The following UGP2 variants were observed in gnomAD, a reference collection of about 807,000 sequenced individuals.
UGP2 encodes the protein UDP-glucose pyrophosphorylase 2.
UGP2 carries 40 observed loss-of-function variants against 49.0 expected under a neutral mutation model. The observed-to-expected ratio is 0.82, with a 90% CI of 0.63 to 1.06. The LOEUF (loss-of-function observed/expected upper bound fraction) is 1.06. Among genes scored for constraint, UGP2 ranks in the 50% least tolerant of loss-of-function variants. The pLI, the probability that UGP2 is intolerant of heterozygous loss-of-function variation, is 0.00. For missense variants in UGP2, 460 were observed against 603.5 expected, an observed-to-expected ratio of 0.76 and a Z score of 2.49; for synonymous variants, 225 against 213.0, an observed-to-expected ratio of 1.06 and a Z score of -0.49.
At chr2:63,886,146 T>C (rs1303334678) in intron 6 of UGP2, among the ~76,000 whole-genome samples, 195 bp from the exon 7 acceptor site, 2 of 152,218 alleles carry the variant, frequency 1.3e-5, no homozygotes, top group South Asian at 2.1e-4. Flanking sequence ...GTGAAATCTT[T>C]CAGTAAAGTT....
At chr2:63,865,686 G>A (rs1022203193) in intron 3 of UGP2, among the ~76,000 whole-genome samples, 5 of 152,028 alleles carry the variant, frequency 3.3e-5, no homozygotes, top group Middle Eastern at 3.4e-3. Flanking sequence ...CTACAGGCAC[G>A]TGTCAGCATG....
intron 7 of UGP2, 45 bp downstream of exon 7, chr2:63,886,583 C>CAT: frequency 6.2e-7 from 1 of 1,604,352 alleles, no homozygotes; most frequent in East Asian, 2.2e-5. Flanking sequence ...TTCCTAAGGT[C>CAT]ATAGTAGGCT....
chr2:63,868,790 A>G lies in UGP2; in HGVS notation c.255+10854A>G, dbSNP rs553916966. Among the ~76,000 whole-genome samples, 5 of 152,192 alleles carry G rather than the reference A, an allele frequency of 3.3e-5. No homozygotes were observed. In the South Asian group the frequency reaches 6.2e-4, roughly 19 times the overall value. On this transcript the variant is annotated intron_variant, in intron 3 of 9. Coordinates refer to ENST00000337130, the MANE Select transcript of UGP2 (RefSeq NM_006759.4). ...GGTCAGGAGTTCGAGACTAGCCAAC[A>G]TGGTGAAACCCCATCTCTACTAAAA...
chr2:63,842,718 C>A, intron 1 of UGP2: 1 of 969,822 alleles, frequency 1.0e-6, no homozygotes, highest in Non-Finnish European at 1.4e-6. Flanking sequence ...CCCGAAGAAG[C>A]TGGAGGTCAT....
chr2:63,852,099 T>G (rs529584828), intron 1 of UGP2, among the ~76,000 whole-genome samples: 13 of 151,636 alleles, frequency 8.6e-5, no homozygotes, highest in Non-Finnish European at 1.8e-4. Context: ...TAGGAAGGCT[T>G]TGGACCAATC....
intron 3 of UGP2, among the ~76,000 whole-genome samples, chr2:63,869,607 T>G (rs946001529): frequency 3.3e-5 from 5 of 152,226 alleles, no homozygotes; most frequent in Non-Finnish European, 5.9e-5. Context: ...GTGACTTTTA[T>G]GATTCTGGCT....
intron 3 of UGP2, among the ~76,000 whole-genome samples, chr2:63,881,594 A>C (rs906158166): frequency 2.6e-5 from 4 of 152,210 alleles, no homozygotes; most frequent in African/African-American, 9.6e-5. Context: ...TTTCCTTCTT[A>C]CTGTAAGATG....
At chr2:63,842,438 G>A in intron 1 of UGP2, 1 of 1,556,190 alleles carries the variant, frequency 6.4e-7, no homozygotes, top group Non-Finnish European at 8.6e-7. Context: ...CTGAAATCAG[G>A]TTAGTAGTAC....
intron 1 of UGP2, 48 bp from the exon 2 acceptor site, chr2:63,856,258 A>G (rs780342514): frequency 9.4e-6 from 15 of 1,588,630 alleles, no homozygotes; most frequent in Non-Finnish European, 1.3e-5. Flanking sequence ...AGCTGTTTGA[A>G]TGGCTTCCTG....
At chr2:63,874,834 C>G (rs762235732) in intron 3 of UGP2, among the ~76,000 whole-genome samples, 7 of 151,440 alleles carry the variant, frequency 4.6e-5, no homozygotes, top group Non-Finnish European at 8.8e-5. Context: ...ACCATGTGAT[C>G]TCTACAAACC....
At chr2:63,886,286 A>C in intron 6 of UGP2, 55 bp from the exon 7 acceptor site, 3 of 1,535,902 alleles carry the variant, frequency 2.0e-6, no homozygotes, top group Non-Finnish European at 2.7e-6. Context: ...TTGTATTTAC[A>C]AAAAAATGCA....
At chr2:63,873,339 T>G (rs751037862) in intron 3 of UGP2, among the ~76,000 whole-genome samples, 1 of 152,200 alleles carries the variant, frequency 6.6e-6, no homozygotes, top group Non-Finnish European at 1.5e-5. Flanking sequence ...AAACTTAGTT[T>G]GGAGAGAGGT....
intron 3 of UGP2, among the ~76,000 whole-genome samples, chr2:63,878,746 T>A (rs1671097314): frequency 6.6e-6 from 1 of 152,168 alleles, no homozygotes; most frequent in Non-Finnish European, 1.5e-5. Context: ...AAAATTTTTT[T>A]GTAGAGGCAA....
In UGP2 at chr2:63,885,633, A is replaced by G; in HGVS notation, c.620A>G (p.Asp207Gly). ...NKESLLPVAK[D>G]VSYSGENTEA... ...GAATCTTTACTTCCTGTAGCAAAGG[A>G]CGTGTCTTACTCAGGGGAAAATACA... The change falls in exon 6 of 10, where the codon GAC becomes GGC. Residue 207 changes from aspartate (D) to glycine (G), a missense_variant. Transcript: ENST00000337130. The G allele has an allele frequency of 6.3e-7, 1 of 1,597,052 alleles. No individual in the cohort carries two copies. Among genetic ancestry groups the G allele is most frequent in the African/African-American group, 1.4e-5 (1 of 73,628 alleles).
intron 1 of UGP2, among the ~76,000 whole-genome samples, chr2:63,854,594 ATAGCTACGCTTCTTG>A (rs529872324): frequency 1.6e-3 from 249 of 152,312 alleles, no homozygotes; most frequent in African/African-American, 5.8e-3. Context: ...GATGCTTAAG[ATAGCTACGCTTCTTG>A]TCTAAGCACT....
At chr2:63,883,129 C>T (rs1175676445) in intron 4 of UGP2, 1 of 152,426 alleles carries the variant, frequency 6.6e-6, no homozygotes, top group Non-Finnish European at 1.5e-5. Context: ...TCTCCTTATC[C>T]TAATGCCTAG....
At chr2:63,871,532 CGCCTCG>C (rs758359641) in intron 3 of UGP2, among the ~76,000 whole-genome samples, 57 of 152,210 alleles carry the variant, frequency 3.7e-4, no homozygotes, top group Non-Finnish European at 6.2e-4. Context: ...GTGATCCGCC[CGCCTCG>C]GCCTCCCAGT....
At chr2:63,854,558 GC>G (rs1669256221) in intron 1 of UGP2, among the ~76,000 whole-genome samples, 2 of 22,094 alleles carry the variant, frequency 9.1e-5, no homozygotes, top group Non-Finnish European at 1.5e-4. Context: ...ATGGTTCCCT[GC>G]TCTGTGCCTC....
intron 7 of UGP2, 138 bp from the exon 8 acceptor site, chr2:63,887,264 C>CAAAAA: frequency 1.2e-6 from 1 of 862,040 alleles, no homozygotes; most frequent in Non-Finnish European, 1.6e-6. Flanking sequence ...GACTCCTTCT[C>CAAAAA]AAAAAAAAAA....
Sources: allele counts gnomAD v4.1 joint callset (sites outside exome capture counted in the v4.1 genomes callset), GRCh38; gene constraint gnomAD v4.1.1; transcripts MANE v1.5; gene names NCBI Gene and HGNC (gene_info 2026-07-23, HGNC 2026-07-21).